Variants in BAIAP2L1 observed in about 807,000 individuals in gnomAD.
BAIAP2L1 encodes the protein BAR/IMD domain-containing adapter protein 2-like 1.
BAIAP2L1 carries 35 observed loss-of-function variants against 66.3 expected under a neutral mutation model. The ratio of observed to expected loss-of-function variants is 0.53; its 90% CI spans 0.40 to 0.70. BAIAP2L1 has a LOEUF of 0.70. Among genes scored for constraint, BAIAP2L1 ranks in the 30% least tolerant of loss-of-function variants. BAIAP2L1 has a pLI of 0.00. For synonymous variants in BAIAP2L1, 269 were observed against 248.7 expected (o/e 1.08, Z -0.77); for missense variants, 622 against 656.9 (o/e 0.95, Z 0.58).
At position 98,315,451 on chromosome 7, in the gene BAIAP2L1, C is replaced by T; in HGVS notation, c.639+9G>A. On this transcript the variant is annotated intron_variant, in intron 7 of 13. Transcript: ENST00000005260. ...TAATACGCTCAAGGCAATTTGCCAC[C>T]ACACCCACCTGTAAGTGATAATAAT... 7.1e-7 allele frequency: 1 copy of T among 1,409,354 alleles called. No individual in the cohort carries two copies. Among genetic ancestry groups the T allele is most frequent in the Non-Finnish European group, 9.3e-7 (1 of 1,070,002 alleles). The allele number at this position is 1,409,354 out of a possible 1,614,324, so 87.3% of individuals were successfully genotyped here. A position where few individuals can be genotyped will look rare whatever the true frequency, so the allele number is the denominator to read the frequency against.
At position 98,362,400 on chromosome 7, in the gene BAIAP2L1, T is replaced by G. The variant is rs1411832567; in HGVS notation, c.84A>C (p.Arg28=). 1.9e-6 allele frequency: 3 copies of G among 1,613,336 alleles called. No homozygotes were observed. In the Admixed American group the frequency reaches 5.0e-5, roughly 27 times the overall value. ...NVMEQFNPGL[R]NLINLGKNYE... Reference sequence around the variant, plus strand: ...AATTTTTCCCCAGGTTTATTAAATTTCGCAGCCCAGGATTGAACTGTTCCA... The same window carrying G: ...AATTTTTCCCCAGGTTTATTAAATTGCGCAGCCCAGGATTGAACTGTTCCA... Residue 28 remains arginine, a synonymous_variant, in exon 2 of 14, where the codon CGA becomes CGC. Coordinates refer to ENST00000005260, the MANE Select transcript of BAIAP2L1 (RefSeq NM_018842.5).
At chr7:98,307,648 G>T in intron 10 of BAIAP2L1, 41 bp downstream of exon 10, 1 of 1,607,584 alleles carries the variant, frequency 6.2e-7, no homozygotes, top group Non-Finnish European at 8.5e-7. Context: ...GAAGGGAGGG[G>T]CCGTCTGGTG....
intron 12 of BAIAP2L1, among the ~76,000 whole-genome samples, chr7:98,295,489 C>G (rs1800153726): frequency 6.6e-6 from 1 of 152,196 alleles, no homozygotes; most frequent in Non-Finnish European, 1.5e-5. Flanking sequence ...GAGGTGCATG[C>G]TCTGCGATTA....
intron 1 of BAIAP2L1, among the ~76,000 whole-genome samples, chr7:98,393,016 TATAC>T (rs1803086219): frequency 1.4e-5 from 2 of 144,834 alleles, no homozygotes; most frequent in East Asian, 2.0e-4. Flanking sequence ...TGTGTATATA[TATAC>T]ATACACACAT....
chr7:98,298,079 TAA>T (rs753257843), intron 12 of BAIAP2L1, among the ~76,000 whole-genome samples: 3 of 151,720 alleles, frequency 2.0e-5, no homozygotes, highest in Non-Finnish European at 2.9e-5. Flanking sequence ...AATAAAAACT[TAA>T]AGAGATATCA....
chr7:98,385,595 G>A (rs569587361), intron 1 of BAIAP2L1, among the ~76,000 whole-genome samples: 2 of 151,664 alleles, frequency 1.3e-5, no homozygotes, highest in Admixed American at 6.6e-5. Flanking sequence ...TGTTTTTTTC[G>A]TAGACATGGG....
chr7:98,345,508 TGA>T (rs1801850278), intron 3 of BAIAP2L1, among the ~76,000 whole-genome samples: 1 of 152,050 alleles, frequency 6.6e-6, no homozygotes, highest in African/African-American at 2.4e-5. Context: ...GTGGATCACC[TGA>T]GGTAAGGAGT....
At chr7:98,375,923 G>A (rs4439053) in intron 1 of BAIAP2L1, among the ~76,000 whole-genome samples, 21,549 of 152,014 alleles carry the variant, frequency 0.14, 1,787 homozygotes, top group East Asian at 0.18. Context: ...TCAGACTGCT[G>A]TTAAATATCT....
intron 12 of BAIAP2L1, among the ~76,000 whole-genome samples, chr7:98,303,780 C>G (rs189218540): frequency 6.6e-6 from 1 of 152,200 alleles, no homozygotes; most frequent in Admixed American, 6.5e-5. Context: ...ATCCACAGTG[C>G]CTGGGAGTAA....
Position 98,355,039 on chromosome 7 carries a change from C to T in BAIAP2L1, c.214+3G>A. 1.2e-6 allele frequency: 2 copies of T among 1,610,752 alleles called. No homozygotes were observed. Among genetic ancestry groups the T allele is most frequent in the East Asian group, 2.2e-5 (1 of 44,850 alleles). ...TTTATGTATAAAGGGACAGATCGCT[C>T]ACCCAGTTCAGTTGACACGGGGGAC... On this transcript the variant is annotated splice_donor_region_variant and intron_variant, in intron 3 of 13. Transcript: ENST00000005260.
At position 98,293,095 on chromosome 7, in the gene BAIAP2L1, C is replaced by G. The variant is rs1272206009; in HGVS notation, c.*426G>C. On this transcript the variant is annotated 3_prime_UTR_variant, in exon 14 of 14. Coordinates refer to ENST00000005260, the MANE Select transcript of BAIAP2L1 (RefSeq NM_018842.5). ...GCTAAGATGCAAACTTACGTGATAT[C>G]TTCTTTAGACATAATGCTATTAAGA... The G allele has an allele frequency of 4.0e-6, 2 of 502,108 alleles. No homozygotes were observed. Among genetic ancestry groups the G allele is most frequent in the Non-Finnish European group, 5.4e-6 (2 of 371,528 alleles). 31.1% of individuals were successfully genotyped at this position (502,108 alleles called of 1,614,324 possible). A position where few individuals can be genotyped will look rare whatever the true frequency, so the allele number is the denominator to read the frequency against.
chr7:98,392,220 T>C (rs1161661149), intron 1 of BAIAP2L1, among the ~76,000 whole-genome samples: 1 of 148,148 alleles, frequency 6.8e-6, no homozygotes, highest in African/African-American at 2.5e-5. Flanking sequence ...GGCGGGTGCC[T>C]GTAATCCCAG....
chr7:98,390,373 C>T (rs749248512), intron 1 of BAIAP2L1, among the ~76,000 whole-genome samples: 2 of 151,984 alleles, frequency 1.3e-5, no homozygotes, highest in South Asian at 2.1e-4. Flanking sequence ...TCCATTAAAA[C>T]GGAATATATA....
At chr7:98,295,027 C>T (rs565960121) in intron 12 of BAIAP2L1, among the ~76,000 whole-genome samples, 2 of 152,322 alleles carry the variant, frequency 1.3e-5, no homozygotes, top group East Asian at 3.9e-4. Context: ...CACTGTGTAA[C>T]CAGCCTGTGG....
intron 3 of BAIAP2L1, among the ~76,000 whole-genome samples, chr7:98,321,189 C>T (rs950098108): frequency 6.6e-6 from 1 of 152,150 alleles, no homozygotes; most frequent in Admixed American, 6.6e-5. Context: ...CACTTTTTCC[C>T]TAAGCCAAGT....
In BAIAP2L1 at chr7:98,317,239, A is replaced by G. The variant is rs776062073; in HGVS notation, c.466T>C (p.Tyr156His). The G allele has an allele frequency of 5.6e-6, 9 of 1,614,236 alleles. No homozygotes were observed. The highest frequency in any genetic ancestry group is 6.8e-6 in the Non-Finnish European group (8 of 1,180,046). Residue 156 changes from tyrosine to histidine, a missense_variant, in exon 6 of 14, where the codon TAT (tyrosine) becomes CAT (histidine). Tyr to His is a moderately conservative substitution (Grantham distance 83). Coordinates refer to ENST00000005260, the MANE Select transcript of BAIAP2L1 (RefSeq NM_018842.5). ...CTCACCTCAATTTCTTTGTGTTCAT[A>G]TTTGAGTGCGTTTCGGCTTCCTTGG... ...KSQGSRNALK[Y>H]EHKEIEYVET...
At chr7:98,371,791 T>C (rs1802515189) in intron 1 of BAIAP2L1, among the ~76,000 whole-genome samples, 1 of 150,578 alleles carries the variant, frequency 6.6e-6, no homozygotes, top group Admixed American at 6.6e-5. Flanking sequence ...GTTTCTCTTT[T>C]AGTTTCTTTT....
Position 98,332,668 on chromosome 7 carries a change from G to C in BAIAP2L1, c.215-12370C>G, listed in dbSNP as rs1801524710. ...ACTAAAAATACAAAAAATTAGCTGG[G>C]CCTAGTGGTGGGCACCTGTAATCCT... On this transcript the variant is annotated intron_variant, in intron 3 of 13. Coordinates refer to ENST00000005260, the MANE Select transcript of BAIAP2L1 (RefSeq NM_018842.5). 2.0e-5 allele frequency among the ~76,000 whole-genome samples: 3 copies of C among 151,370 alleles called. No homozygotes were observed. The South Asian group carries it at 6.3e-4, about 32-fold the overall frequency.
chr7:98,374,865 C>T (rs1331722977), intron 1 of BAIAP2L1, among the ~76,000 whole-genome samples: 4 of 152,040 alleles, frequency 2.6e-5, no homozygotes, highest in Admixed American at 2.6e-4. Flanking sequence ...GTGGGAGGAT[C>T]GCTTGAGGTC....
Sources: allele counts gnomAD v4.1 joint callset (sites outside exome capture counted in the v4.1 genomes callset), GRCh38; gene constraint gnomAD v4.1.1; transcripts MANE v1.5; gene names NCBI Gene and HGNC (gene_info 2026-07-23, HGNC 2026-07-21).